FBXL7: variants seen among roughly 807,000 people sequenced by gnomAD.
FBXL7 encodes the protein F-box and leucine rich repeat protein 7.
FBXL7 carries 12 observed loss-of-function variants against 38.3 expected under a neutral mutation model. The observed-to-expected ratio is 0.31, with a 90% confidence interval of 0.20 to 0.51. The LOEUF (loss-of-function observed/expected upper bound fraction) is 0.51, where lower values mean the gene tolerates loss of function less well. Among genes scored for constraint, FBXL7 ranks in the 20% least tolerant of loss-of-function variants. The pLI, the probability that FBXL7 is intolerant of heterozygous loss-of-function variation, is 0.98. For missense variants in FBXL7, 567 were observed against 676.4 expected (o/e 0.84, Z 1.79); for synonymous variants, 297 against 300.9 (o/e 0.99, Z 0.13).
chr5:15,850,417 C>T (rs1739057856), intron 2 of FBXL7, among the ~76,000 whole-genome samples: 1 of 152,172 alleles, frequency 6.6e-6, no homozygotes, highest in Admixed American at 6.5e-5. Flanking sequence ...CTTTGAACCA[C>T]AGCTTCCGTA....
chr5:15,544,836 G>A (rs1467886877), intron 1 of FBXL7, among the ~76,000 whole-genome samples: 1 of 152,092 alleles, frequency 6.6e-6, no homozygotes, highest in East Asian at 1.9e-4. Context: ...TGAATTATGT[G>A]AATTGCATCT....
At chr5:15,708,665 C>CT (rs941857373) in intron 2 of FBXL7, among the ~76,000 whole-genome samples, 23 of 151,964 alleles carry the variant, frequency 1.5e-4, no homozygotes, top group Non-Finnish European at 2.8e-4. Flanking sequence ...GAAAAAATTC[C>CT]TTTTTTTTGA....
chr5:15,598,981 T>C (rs1241465907), intron 1 of FBXL7, among the ~76,000 whole-genome samples: 1 of 152,186 alleles, frequency 6.6e-6, no homozygotes, highest in Non-Finnish European at 1.5e-5. Context: ...TTCCTACAAA[T>C]TGTAGTAGTA....
Position 15,737,867 on chromosome 5 carries a change from A to G in FBXL7, c.127+121795A>G, listed in dbSNP as rs2126671234. 2.0e-5 allele frequency among the ~76,000 whole-genome samples: 3 copies of G among 152,346 alleles called. 1 individual carries two copies. In the East Asian group the frequency reaches 5.8e-4, roughly 29 times the overall value. On this transcript the variant is annotated intron_variant, in intron 2 of 3. Coordinates refer to ENST00000504595, the MANE Select transcript of FBXL7 (RefSeq NM_012304.5). ...TAATTACCAAAGCATCCTGGTACCCATCAGTTCTGGACTTCTGTGTTACCA... is the reference window on the plus strand; with the variant it reads ...TAATTACCAAAGCATCCTGGTACCCGTCAGTTCTGGACTTCTGTGTTACCA...
chr5:15,779,649 C>T lies in FBXL7; in HGVS notation c.128-148241C>T, dbSNP rs188933711. On this transcript the variant is annotated intron_variant, in intron 2 of 3. Transcript: ENST00000504595. ...ATCAGCCGTGGCCCATTAAAAAACCCTTCATATCACTTTGATAAAATTTTA... is the reference window on the plus strand; with the variant it reads ...ATCAGCCGTGGCCCATTAAAAAACCTTTCATATCACTTTGATAAAATTTTA... 1.9e-3 allele frequency among the ~76,000 whole-genome samples: 283 copies of T among 152,176 alleles called. 1 individual carries two copies. Among genetic ancestry groups the T allele is most frequent in the African/African-American group, 6.5e-3 (272 of 41,528 alleles).
chr5:15,578,910 A>G (rs1250706172), intron 1 of FBXL7, among the ~76,000 whole-genome samples: 1 of 152,344 alleles, frequency 6.6e-6, no homozygotes, highest in East Asian at 1.9e-4. Flanking sequence ...TTTTGATGAA[A>G]AATAAATTAT....
At chr5:15,523,072 G>A (rs1737145677) in intron 1 of FBXL7, among the ~76,000 whole-genome samples, 1 of 152,154 alleles carries the variant, frequency 6.6e-6, no homozygotes, top group African/African-American at 2.4e-5. Context: ...ACTACCACAT[G>A]TGACCACCTG....
intron 2 of FBXL7, among the ~76,000 whole-genome samples, chr5:15,813,414 C>T (rs1258338266): frequency 1.3e-5 from 2 of 152,128 alleles, no homozygotes; most frequent in African/African-American, 4.8e-5. Context: ...ACACCTTATA[C>T]AAAAATTAAC....
At chr5:15,585,598 T>G (rs909124336) in intron 1 of FBXL7, among the ~76,000 whole-genome samples, 4 of 152,230 alleles carry the variant, frequency 2.6e-5, no homozygotes, top group African/African-American at 9.6e-5. Flanking sequence ...GTAGAGAAGC[T>G]CATGATTGTA....
intron 2 of FBXL7, among the ~76,000 whole-genome samples, chr5:15,807,883 T>C (rs149260462): frequency 6.6e-6 from 1 of 152,248 alleles, no homozygotes; most frequent in Admixed American, 6.5e-5. Flanking sequence ...TCTGAACAAA[T>C]AAACATTACA....
chr5:15,805,191 A>G lies in FBXL7; in HGVS notation c.128-122699A>G, dbSNP rs1737676324. On this transcript the variant is annotated intron_variant, in intron 2 of 3. Coordinates refer to ENST00000504595, the MANE Select transcript of FBXL7 (RefSeq NM_012304.5). ...CTCTTTAAAGACCCTATCTCCAATTACAGTCACATTCTGAGGTACTGGAAG... is the reference window on the plus strand; with the variant it reads ...CTCTTTAAAGACCCTATCTCCAATTGCAGTCACATTCTGAGGTACTGGAAG... Among the ~76,000 whole-genome samples the G allele has an allele frequency of 3.9e-5, 6 of 152,268 alleles. No individual in the cohort carries two copies. In the South Asian group the frequency reaches 1.2e-3, roughly 32 times the overall value.
intron 1 of FBXL7, among the ~76,000 whole-genome samples, chr5:15,609,728 T>C (rs1339521263): frequency 2.6e-5 from 4 of 152,176 alleles, no homozygotes; most frequent in Non-Finnish European, 5.9e-5. Context: ...AAGACTGCCC[T>C]GAGCTGGACT....
At chr5:15,840,615 G>A (rs540449425) in intron 2 of FBXL7, among the ~76,000 whole-genome samples, 4 of 151,978 alleles carry the variant, frequency 2.6e-5, no homozygotes, top group East Asian at 1.9e-4. Flanking sequence ...TTGGGAGGCC[G>A]AGCCAGGTGG....
intron 2 of FBXL7, among the ~76,000 whole-genome samples, chr5:15,726,033 A>G (rs1022399634): frequency 6.6e-6 from 1 of 152,108 alleles, no homozygotes; most frequent in Non-Finnish European, 1.5e-5. Flanking sequence ...TTTGCCTCAT[A>G]TATTTTGATG....
chr5:15,786,595 C>T (rs1737138892), intron 2 of FBXL7, among the ~76,000 whole-genome samples: 2 of 152,126 alleles, frequency 1.3e-5, no homozygotes. Context: ...TGTAATAGTA[C>T]ACCAGGGAGG....
At chr5:15,545,042 A>G (rs1016014491) in intron 1 of FBXL7, among the ~76,000 whole-genome samples, 1 of 152,340 alleles carries the variant, frequency 6.6e-6, no homozygotes, top group East Asian at 1.9e-4. Flanking sequence ...CACTTTCTTT[A>G]CAAGTGGAGG....
At chr5:15,696,760 G>C (rs750489630) in intron 2 of FBXL7, among the ~76,000 whole-genome samples, 2 of 152,156 alleles carry the variant, frequency 1.3e-5, no homozygotes, top group Admixed American at 6.5e-5. Context: ...TTAATTCCCA[G>C]ATAGACATTG....
At chr5:15,893,471 G>A (rs959444722) in intron 2 of FBXL7, among the ~76,000 whole-genome samples, 1 of 152,134 alleles carries the variant, frequency 6.6e-6, no homozygotes, top group African/African-American at 2.4e-5. Context: ...GCCAATGAAC[G>A]TATCACCTGA....
At chr5:15,642,064 G>C (rs548260927) in intron 2 of FBXL7, among the ~76,000 whole-genome samples, 1 of 151,784 alleles carries the variant, frequency 6.6e-6, no homozygotes, top group South Asian at 2.1e-4. Flanking sequence ...TTAGGATTCA[G>C]TGAGACTTTA....
Sources: gnomAD v4.1 joint callset for allele counts (sites outside exome capture counted in the v4.1 genomes callset) on GRCh38, gnomAD v4.1.1 for gene constraint, MANE v1.5 for transcripts, NCBI Gene and HGNC (gene_info 2026-07-23, HGNC 2026-07-21) for gene names.